Variants in MYT1L observed in about 807,000 individuals in gnomAD.
MYT1L encodes myelin transcription factor 1-like protein.
Under a neutral mutation model 126.7 loss-of-function variants are expected in MYT1L, and 12 were observed. That is an observed-to-expected ratio of 0.09 (90% CI 0.06 to 0.15). MYT1L has a LOEUF of 0.15. Ranked by LOEUF, MYT1L falls within the 10% of genes least tolerant of loss-of-function variation. MYT1L has a pLI of 1.00. For missense variants in MYT1L, 979 were observed against 1,585.2 expected (o/e 0.62, Z 6.49); for synonymous variants, 541 against 604.2 (o/e 0.90, Z 1.53).
chr2:1,980,575 A>C (rs1197479324), intron 5 of MYT1L, among the ~76,000 whole-genome samples: 1 of 152,082 alleles, frequency 6.6e-6, no homozygotes, highest in Admixed American at 6.6e-5. Context: ...AGACATTACA[A>C]ATGCTTTTAT....
At chr2:1,952,780 T>TTCCTTCCCTCCC (rs1558516778) in intron 8 of MYT1L, among the ~76,000 whole-genome samples, 2 of 54,780 alleles carry the variant, frequency 3.7e-5, no homozygotes, top group African/African-American at 1.6e-4. Context: ...CCTTCCCTCC[T>TTCCTTCCCTCCC]TTCCTCCCTT....
chr2:2,118,128 A>G (rs2080476981), intron 3 of MYT1L, among the ~76,000 whole-genome samples: 2 of 149,362 alleles, frequency 1.3e-5, no homozygotes, highest in South Asian at 4.2e-4. Flanking sequence ...AATATTTTAT[A>G]TTCAATAATA....
intron 3 of MYT1L, among the ~76,000 whole-genome samples, chr2:2,068,815 A>AGTATGT (rs1376819015): frequency 1.4e-4 from 15 of 110,374 alleles, no homozygotes; most frequent in Non-Finnish European, 2.2e-4. Flanking sequence ...TATAAGTTCA[A>AGTATGT]GTATGTGGAG....
At chr2:2,293,673 C>T (rs183847355) in intron 1 of MYT1L, among the ~76,000 whole-genome samples, 22 of 152,306 alleles carry the variant, frequency 1.4e-4, no homozygotes, top group Admixed American at 1.1e-3. Context: ...CCAAAGCTTC[C>T]GCCTGAGGCT....
chr2:2,004,723 CTT>C, intron 4 of MYT1L, among the ~76,000 whole-genome samples: 1 of 140,902 alleles, frequency 7.1e-6, no homozygotes, highest in Middle Eastern at 3.7e-3. Context: ...TGCGTGCCTT[CTT>C]TCCTGCGTGC....
intron 5 of MYT1L, among the ~76,000 whole-genome samples, chr2:1,994,614 T>C (rs2149590632): frequency 6.6e-6 from 1 of 152,318 alleles, no homozygotes; most frequent in African/African-American, 2.4e-5. Context: ...AAAACACAAA[T>C]GTGACTGAAG....
Position 1,910,304 on chromosome 2 carries a change from C to T in MYT1L, c.1753G>A (p.Ala585Thr). 5 of 1,613,002 alleles carry T rather than the reference C, an allele frequency of 3.1e-6. No individual in the cohort carries two copies. The highest frequency in any genetic ancestry group is 4.2e-6 in the Non-Finnish European group (5 of 1,179,884). Reference sequence around the variant, plus strand: ...TCGCAGCTCTGGTGCTTTTCCTGTGCCTTGGCCAGTTTCTCTGCTGCAGCG... The same window carrying T: ...TCGCAGCTCTGGTGCTTTTCCTGTGTCTTGGCCAGTTTCTCTGCTGCAGCG... The part of the protein sequence containing the change: ...PIAAAEKLAK[A>T]QEKHQSCDVS... Residue 585 changes from alanine (A) to threonine (T), a missense_variant, in exon 13 of 25, where the codon GCA (alanine) becomes ACA (threonine). Physicochemically the swap from Ala to Thr is moderately conservative, Grantham distance 58. Coordinates refer to ENST00000647738, the MANE Select transcript of MYT1L (RefSeq NM_001303052.2). The surrounding 1 kb of genome is among the most constrained non-coding windows in gnomAD (Gnocchi z 4.8).
chr2:2,078,548 CA>C (rs2075462904), intron 3 of MYT1L, among the ~76,000 whole-genome samples: 1 of 152,116 alleles, frequency 6.6e-6, no homozygotes, highest in South Asian at 2.1e-4. Context: ...GCACTAGTAT[CA>C]GACACAAAAG....
At chr2:1,888,519 T>C (rs1305506063) in intron 16 of MYT1L, among the ~76,000 whole-genome samples, 1 of 152,234 alleles carries the variant, frequency 6.6e-6, no homozygotes. Flanking sequence ...AGTGCTTCGA[T>C]GGTGGTCTCT....
At chr2:2,264,649 C>T (rs62118679) in intron 2 of MYT1L, among the ~76,000 whole-genome samples, 2 of 152,112 alleles carry the variant, frequency 1.3e-5, no homozygotes, top group Admixed American at 6.6e-5. Flanking sequence ...TACACTCCTC[C>T]TGTGGGCTGA....
chr2:1,991,263 T>A (rs2061434535), intron 5 of MYT1L, among the ~76,000 whole-genome samples: 2 of 152,134 alleles, frequency 1.3e-5, no homozygotes, highest in Non-Finnish European at 2.9e-5. Context: ...CGCTTCCACA[T>A]CAGCCCCTGC....
In MYT1L at chr2:2,119,048, G is replaced by A. The variant is rs190445379; in HGVS notation, c.-304+53824C>T. 7.4e-4 allele frequency among the ~76,000 whole-genome samples: 113 copies of A among 152,348 alleles called. 1 individual carries two copies. The highest frequency in any genetic ancestry group is 2.1e-4 in the Non-Finnish European group (14 of 68,036). On this transcript the variant is annotated intron_variant, in intron 3 of 24. Transcript: ENST00000647738. ...AACCATGTGGTTAAGACAAACATTT[G>A]AAGATACAGAATATCTCTAGCTACT...
intron 2 of MYT1L, among the ~76,000 whole-genome samples, chr2:2,197,502 C>T (rs2092855677): frequency 6.6e-6 from 1 of 151,626 alleles, no homozygotes; most frequent in Non-Finnish European, 1.5e-5. Context: ...CACACACATG[C>T]ATACAACGAA....
chr2:2,145,485 T>C (rs2084744369), intron 3 of MYT1L, among the ~76,000 whole-genome samples: 1 of 152,112 alleles, frequency 6.6e-6, no homozygotes, highest in Non-Finnish European at 1.5e-5. Context: ...CACACCATGA[T>C]ATCATGGTGG....
intron 21 of MYT1L, among the ~76,000 whole-genome samples, chr2:1,831,373 G>A (rs1306502921): frequency 6.6e-6 from 1 of 152,088 alleles, no homozygotes; most frequent in Non-Finnish European, 1.5e-5. Flanking sequence ...TCTTCCTCCT[G>A]GTTTCTCCTC....
intron 3 of MYT1L, among the ~76,000 whole-genome samples, chr2:2,083,569 A>C (rs1005146913): frequency 6.6e-6 from 1 of 152,106 alleles, no homozygotes; most frequent in Non-Finnish European, 1.5e-5. Context: ...AAGGCGATTC[A>C]CTCTATAGGA....
intron 1 of MYT1L, among the ~76,000 whole-genome samples, chr2:2,297,714 A>G (rs1031637311): frequency 3.3e-5 from 5 of 152,120 alleles, no homozygotes; most frequent in African/African-American, 4.8e-5. Flanking sequence ...TGTCCTTTCT[A>G]CAGCATGAAG....
At chr2:2,275,202 ATGTGTGTGTG>A (rs10522538) in intron 2 of MYT1L, among the ~76,000 whole-genome samples, 1,402 of 139,536 alleles carry the variant, frequency 0.01, 25 homozygotes, top group East Asian at 0.08. Flanking sequence ...TAATAATAAA[ATGTGTGTGTG>A]TGTGTGTGTG....
intron 3 of MYT1L, among the ~76,000 whole-genome samples, chr2:2,151,529 C>T (rs563270725): frequency 6.6e-6 from 1 of 152,162 alleles, no homozygotes; most frequent in South Asian, 2.1e-4. Flanking sequence ...TGAAAAATAG[C>T]CAGTGAAAAT....
Sources: allele counts gnomAD v4.1 joint callset (sites outside exome capture counted in the v4.1 genomes callset), GRCh38; gene constraint gnomAD v4.1.1; non-coding constraint Gnocchi (gnomAD v3.1); transcripts MANE v1.5; gene names NCBI Gene and HGNC (gene_info 2026-07-23, HGNC 2026-07-21).